The following CTSO variants were observed in gnomAD, a reference collection of about 807,000 sequenced individuals.
CTSO encodes the protein cathepsin O.
A neutral mutation model predicts 42.4 loss-of-function variants in CTSO; 40 were observed. The ratio of observed to expected loss-of-function variants is 0.94; its 90% CI spans 0.73 to 1.23. The LOEUF is 1.23. Among genes scored for constraint, CTSO ranks in the 50% most tolerant of loss-of-function variants. The probability of loss-of-function intolerance (pLI) is 0.00; values close to 1 mark genes in which losing one functional copy is unlikely to be tolerated. For synonymous variants in CTSO, 156 were observed against 146.2 expected (o/e 1.07, Z -0.48); for missense variants, 441 against 396.0 (o/e 1.11, Z -0.96).
chr4:155,941,623 C>A (rs574887832), intron 3 of CTSO, among the ~76,000 whole-genome samples: 2 of 152,308 alleles, frequency 1.3e-5, no homozygotes, highest in African/African-American at 4.8e-5. Flanking sequence ...TCTTTTAAAA[C>A]ATATGTCATT....
Position 155,942,459 on chromosome 4 carries a change from G to A in CTSO, c.245-3C>T. The A allele has an allele frequency of 6.7e-7, 1 of 1,488,514 alleles. No homozygotes were observed. 92.2% of individuals were successfully genotyped at this position (1,488,514 alleles called of 1,614,324 possible). On this transcript the variant is annotated splice_polypyrimidine_tract_variant and splice_region_variant and intron_variant, in intron 2 of 7. Coordinates refer to ENST00000433477, the MANE Select transcript of CTSO (RefSeq NM_001334.3). ...AGGTTTGCTTCTTAAATAAATGGCT[G>A]AGTAGAAACATAAAATGAAAATACA...
intron 1 of CTSO, among the ~76,000 whole-genome samples, chr4:155,950,628 C>G (rs1743656230): frequency 6.6e-6 from 1 of 152,090 alleles, no homozygotes; most frequent in Non-Finnish European, 1.5e-5. Context: ...CTGTTAACGA[C>G]CAGGCTGCAC....
chr4:155,930,228 G>T (rs141503341), intron 5 of CTSO, among the ~76,000 whole-genome samples: 1 of 152,116 alleles, frequency 6.6e-6, no homozygotes, highest in African/African-American at 2.4e-5. Context: ...GATATTTGGC[G>T]ATACCTTGCC....
chr4:155,943,919 G>A (rs1006654622), intron 1 of CTSO, among the ~76,000 whole-genome samples: 3 of 152,082 alleles, frequency 2.0e-5, no homozygotes, highest in African/African-American at 7.2e-5. Context: ...TTTATCTTAA[G>A]CTTATCTTTT....
At chr4:155,932,018 A>AT (rs2110909342) in intron 5 of CTSO, among the ~76,000 whole-genome samples, 1 of 151,768 alleles carries the variant, frequency 6.6e-6, no homozygotes, top group Admixed American at 6.6e-5. Flanking sequence ...CTGTGTCTGA[A>AT]TTTTTCTGAC....
intron 1 of CTSO, among the ~76,000 whole-genome samples, chr4:155,949,705 G>A (rs1031618060): frequency 6.6e-6 from 1 of 152,108 alleles, no homozygotes; most frequent in African/African-American, 2.4e-5. Flanking sequence ...TAAAGCTGAG[G>A]ATGAGCAAAA....
intron 3 of CTSO, among the ~76,000 whole-genome samples, chr4:155,940,251 A>G (rs999985067): frequency 2.0e-5 from 3 of 152,190 alleles, no homozygotes; most frequent in African/African-American, 7.2e-5. Flanking sequence ...GTCCTGAAAG[A>G]AAGAGAGGAG....
intron 7 of CTSO, among the ~76,000 whole-genome samples, chr4:155,927,618 AC>A (rs1743152410): frequency 6.6e-6 from 1 of 152,020 alleles, no homozygotes; most frequent in Admixed American, 6.6e-5. Context: ...AAATACAAAA[AC>A]AAAAAATCAG....
intron 1 of CTSO, among the ~76,000 whole-genome samples, chr4:155,952,750 A>C (rs1454215350): frequency 6.6e-6 from 1 of 152,228 alleles, no homozygotes; most frequent in East Asian, 1.9e-4. Flanking sequence ...ACAGCTATGA[A>C]ATCCTGTGAG....
intron 5 of CTSO, among the ~76,000 whole-genome samples, chr4:155,933,074 C>A (rs897532452): frequency 2.6e-5 from 4 of 152,056 alleles, no homozygotes; most frequent in South Asian, 2.1e-4. Flanking sequence ...TGCTCTAAGG[C>A]CACTGCTTGG....
intron 1 of CTSO, 55 bp from the exon 2 acceptor site, chr4:155,943,319 A>T: frequency 2.0e-6 from 2 of 1,005,094 alleles, no homozygotes; most frequent in Non-Finnish European, 3.0e-6. Context: ...TCCAAAGTAA[A>T]CTGTGTATAA....
chr4:155,938,572 C>T (rs547414100), intron 4 of CTSO, among the ~76,000 whole-genome samples: 3 of 152,162 alleles, frequency 2.0e-5, no homozygotes, highest in African/African-American at 7.2e-5. Flanking sequence ...GGTACAACTC[C>T]GGCTCAGCTA....
intron 1 of CTSO, among the ~76,000 whole-genome samples, chr4:155,943,700 T>C (rs1006185508): frequency 6.6e-6 from 1 of 152,164 alleles, no homozygotes; most frequent in South Asian, 2.1e-4. Context: ...AACTAAGTAA[T>C]GAAGCATGAA....
rs775073825 is a variant in CTSO at position 155,929,549 on chromosome 4, A to G, written c.831T>C (p.Asp277=). 1 of 1,612,126 alleles carries G rather than the reference A, an allele frequency of 6.2e-7. No individual in the cohort carries two copies. The highest frequency in any genetic ancestry group is 1.3e-5 in the African/African-American group (1 of 74,862). The change falls in exon 6 of 8, where the codon GAT becomes GAC. Residue 277 remains aspartate (D), a synonymous_variant. Transcript: ENST00000433477. The part of the protein sequence containing the change: ...ANHAVLITGF[D]KTGSTPYWIV... ...AGTCTTATCAGCACTTACCTGTTTT[A>G]TCAAACCCAGTTATGAGAACTGCAT... is the stretch of plus-strand genomic sequence containing the variant.
intron 6 of CTSO, among the ~76,000 whole-genome samples, chr4:155,929,167 T>C (rs1743186490): frequency 6.6e-6 from 1 of 152,238 alleles, no homozygotes; most frequent in Non-Finnish European, 1.5e-5. Context: ...ATCCCTTTAT[T>C]TCCCATAAGG....
At chr4:155,948,771 G>T (rs909538307) in intron 1 of CTSO, among the ~76,000 whole-genome samples, 1 of 152,162 alleles carries the variant, frequency 6.6e-6, no homozygotes, top group Non-Finnish European at 1.5e-5. Context: ...CCAGCTGTGG[G>T]TAACCACAGT....
intron 5 of CTSO, among the ~76,000 whole-genome samples, chr4:155,931,797 AATT>A (rs954196676): frequency 5.3e-5 from 8 of 150,908 alleles, no homozygotes; most frequent in African/African-American, 9.7e-5. Context: ...TATTATAACG[AATT>A]ATTATTATAA....
chr4:155,951,123 TAACCTG>T lies in CTSO; in HGVS notation c.135+2584_135+2589del, dbSNP rs1331132866. 9.9e-5 allele frequency among the ~76,000 whole-genome samples: 15 copies of T among 152,284 alleles called. No homozygotes were observed. In the East Asian group the frequency reaches 2.7e-3, roughly 27 times the overall value. On this transcript the variant is annotated intron_variant, in intron 1 of 7. Coordinates refer to ENST00000433477, the MANE Select transcript of CTSO (RefSeq NM_001334.3). ...ATATATAAATAATCTTATAATAATA[TAACCTG>T]TGTCATTACGGCAACTGGTCTTAAG...
chr4:155,927,467 C>A (rs1183980412), intron 7 of CTSO, among the ~76,000 whole-genome samples: 2 of 152,084 alleles, frequency 1.3e-5, no homozygotes. Flanking sequence ...GTTGGTGGTT[C>A]ATTTAAAAAG....
Sources: allele counts gnomAD v4.1 joint callset (sites outside exome capture counted in the v4.1 genomes callset), GRCh38; gene constraint gnomAD v4.1.1; transcripts MANE v1.5; gene names NCBI Gene and HGNC (gene_info 2026-07-23, HGNC 2026-07-21).